GALNTL6: variants seen among roughly 807,000 people sequenced by gnomAD.
The protein encoded by GALNTL6 is polypeptide N-acetylgalactosaminyltransferase like 6.
A neutral mutation model predicts 73.7 loss-of-function variants in GALNTL6; 46 were observed. The ratio of observed to expected loss-of-function variants is 0.62; its 90% CI spans 0.49 to 0.80. The LOEUF (loss-of-function observed/expected upper bound fraction) is 0.80. Ranked by LOEUF, GALNTL6 falls within the 30% of genes least tolerant of loss-of-function variation. The pLI, the probability that GALNTL6 is intolerant of heterozygous loss-of-function variation, is 0.00. For missense variants in GALNTL6, 604 were observed against 755.0 expected (o/e 0.80, Z 2.34); for synonymous variants, 259 against 263.7 (o/e 0.98, Z 0.17).
At chr4:171,945,565 G>C (rs930698880) in intron 2 of GALNTL6, among the ~76,000 whole-genome samples, 1 of 152,050 alleles carries the variant, frequency 6.6e-6, no homozygotes, top group African/African-American at 2.4e-5. Flanking sequence ...ATGTAGTACT[G>C]ATGTTAGTAT....
At position 172,952,113 on chromosome 4, in the gene GALNTL6, A is replaced by G; in HGVS notation, c.1226A>G (p.His409Arg). The stretch of plus-strand genomic sequence containing the variant: ...TACCAGCGGCGGCCGGAGTACAGGC[A>G]TCTCTCCACGGGGGACATCTCTGCC... ...YIYQRRPEYRHLSTGDISAQK... is the reference protein window; with the variant it reads ...YIYQRRPEYRRLSTGDISAQK... Residue 409 changes from histidine (H) to arginine (R), a missense_variant, in exon 10 of 13, where the codon CAT becomes CGT. Physicochemically the swap from His to Arg is conservative, Grantham distance 29. Coordinates refer to ENST00000506823, the MANE Select transcript of GALNTL6 (RefSeq NM_001034845.3). 2 of 1,614,144 alleles carry G rather than the reference A, an allele frequency of 1.2e-6. No homozygotes were observed. The highest frequency in any genetic ancestry group is 8.5e-7 in the Non-Finnish European group (1 of 1,180,014).
intron 5 of GALNTL6, among the ~76,000 whole-genome samples, chr4:172,447,705 T>A (rs1379511641): frequency 6.6e-6 from 1 of 152,184 alleles, no homozygotes; most frequent in Non-Finnish European, 1.5e-5. Flanking sequence ...AAAGTCTCAT[T>A]ATAAGTAATT....
intron 2 of GALNTL6, among the ~76,000 whole-genome samples, chr4:171,915,351 T>A (rs1737587096): frequency 6.6e-6 from 1 of 152,188 alleles, no homozygotes; most frequent in South Asian, 2.1e-4. Context: ...ATTCATTATA[T>A]GCCTTCTTGG....
intron 2 of GALNTL6, among the ~76,000 whole-genome samples, chr4:172,005,462 T>C (rs1740814527): frequency 1.3e-5 from 2 of 151,988 alleles, no homozygotes; most frequent in African/African-American, 2.4e-5. Context: ...TTACAAAAGA[T>C]TAAAAACAGG....
At chr4:172,318,904 A>G (rs1419217521) in intron 4 of GALNTL6, among the ~76,000 whole-genome samples, 2 of 152,194 alleles carry the variant, frequency 1.3e-5, no homozygotes, top group Non-Finnish European at 2.9e-5. Context: ...ATCTTATGAT[A>G]AGGATCAAAT....
intron 3 of GALNTL6, among the ~76,000 whole-genome samples, chr4:172,263,109 A>G (rs1046030539): frequency 6.6e-6 from 1 of 151,448 alleles, no homozygotes; most frequent in Non-Finnish European, 1.5e-5. Context: ...ATGATGATCT[A>G]TTAGCAATGA....
At chr4:172,493,147 A>T (rs1205626716) in intron 5 of GALNTL6, among the ~76,000 whole-genome samples, 1 of 152,216 alleles carries the variant, frequency 6.6e-6, no homozygotes, top group Non-Finnish European at 1.5e-5. Flanking sequence ...TAATAATTTT[A>T]TTATCTTTCC....
At chr4:172,521,726 G>C (rs1184911256) in intron 5 of GALNTL6, among the ~76,000 whole-genome samples, 1 of 152,196 alleles carries the variant, frequency 6.6e-6, no homozygotes, top group Non-Finnish European at 1.5e-5. Flanking sequence ...CTCTTCAGAT[G>C]TGACCTTGTA....
intron 2 of GALNTL6, among the ~76,000 whole-genome samples, chr4:171,898,394 AG>A (rs935235876): frequency 6.6e-6 from 1 of 152,170 alleles, no homozygotes; most frequent in Non-Finnish European, 1.5e-5. Context: ...ACCTATAAAA[AG>A]ATGTATGTGA....
At chr4:172,311,409 T>G (rs576479489) in intron 3 of GALNTL6, among the ~76,000 whole-genome samples, 3 of 152,308 alleles carry the variant, frequency 2.0e-5, no homozygotes, top group Admixed American at 6.5e-5. Context: ...AGATTACACT[T>G]TCTACTTCTG....
At chr4:172,429,802 G>A (rs1731371936) in intron 5 of GALNTL6, among the ~76,000 whole-genome samples, 1 of 152,090 alleles carries the variant, frequency 6.6e-6, no homozygotes, top group African/African-American at 2.4e-5. Context: ...ATAATCTATA[G>A]TAATACACAG....
At chr4:172,103,134 A>G (rs1299202941) in intron 2 of GALNTL6, among the ~76,000 whole-genome samples, 1 of 152,118 alleles carries the variant, frequency 6.6e-6, no homozygotes, top group Admixed American at 6.5e-5. Context: ...ACTGCAATGC[A>G]CCCACCGGCT....
chr4:171,824,346 G>A (rs764572195), intron 2 of GALNTL6, among the ~76,000 whole-genome samples: 1 of 151,856 alleles, frequency 6.6e-6, no homozygotes. Flanking sequence ...AGACTCCCTG[G>A]TGTTAGTTCC....
At chr4:172,543,720 T>C (rs185592446) in intron 5 of GALNTL6, among the ~76,000 whole-genome samples, 53 of 152,336 alleles carry the variant, frequency 3.5e-4, no homozygotes, top group African/African-American at 1.2e-3. Flanking sequence ...CTGTTTTTCA[T>C]CTGCATTTGC....
At chr4:172,292,082 CA>C in intron 3 of GALNTL6, among the ~76,000 whole-genome samples, 1 of 152,200 alleles carries the variant, frequency 6.6e-6, no homozygotes, top group African/African-American at 2.4e-5. Flanking sequence ...TAATGGTGAT[CA>C]GTTCTCTAAC....
At chr4:172,699,389 A>G (rs1020730885) in intron 5 of GALNTL6, among the ~76,000 whole-genome samples, 4 of 152,186 alleles carry the variant, frequency 2.6e-5, no homozygotes, top group Admixed American at 2.0e-4. Context: ...ATTTTAAAAG[A>G]TTTCACAATA....
chr4:172,895,398 A>AT (rs1746269565), intron 8 of GALNTL6, among the ~76,000 whole-genome samples: 8 of 136,732 alleles, frequency 5.9e-5, no homozygotes, highest in African/African-American at 2.6e-4. Context: ...ATATATATAT[A>AT]TATATTTTTT....
chr4:172,284,429 A>G (rs974774296), intron 3 of GALNTL6, among the ~76,000 whole-genome samples: 1 of 149,376 alleles, frequency 6.7e-6, no homozygotes, highest in African/African-American at 2.5e-5. Flanking sequence ...CCACCACACC[A>G]TGTGCACCCC....
At position 172,625,942 on chromosome 4, in the gene GALNTL6, C is replaced by T. The variant is rs147783184; in HGVS notation, c.554-183419C>T. ...AGACCTTTGTTGGATGCATAGTTTGCAAATATTTTCTCCCACTCTGTAGGT... is the reference window on the plus strand; with the variant it reads ...AGACCTTTGTTGGATGCATAGTTTGTAAATATTTTCTCCCACTCTGTAGGT... On this transcript the variant is annotated intron_variant, in intron 5 of 12. Coordinates refer to ENST00000506823, the MANE Select transcript of GALNTL6 (RefSeq NM_001034845.3). 1.6e-3 allele frequency among the ~76,000 whole-genome samples: 241 copies of T among 152,100 alleles called. 8 individuals are homozygous for T. In the East Asian group the frequency reaches 0.039, roughly 25 times the overall value.
Sources: gnomAD v4.1 joint callset for allele counts (sites outside exome capture counted in the v4.1 genomes callset) on GRCh38, gnomAD v4.1.1 for gene constraint, MANE v1.5 for transcripts, NCBI Gene and HGNC (gene_info 2026-07-23, HGNC 2026-07-21) for gene names.